The following ZNF326 variants were observed in gnomAD, a reference collection of about 807,000 sequenced individuals.
ZNF326 encodes the protein zinc finger protein 326, also known as DBIRD complex subunit ZNF326.
In ZNF326, 30 loss-of-function variants were observed where a neutral mutation model predicts 63.1. The ratio of observed to expected loss-of-function variants is 0.48; its 90% confidence interval spans 0.36 to 0.64. ZNF326 has a LOEUF of 0.64. Among genes scored for constraint, ZNF326 ranks in the 30% least tolerant of loss-of-function variants. The pLI is 0.00. For synonymous variants in ZNF326, 194 were observed against 228.2 expected, an observed-to-expected ratio of 0.85 and a Z score of 1.35; for missense variants, 609 against 720.3, an observed-to-expected ratio of 0.85 and a Z score of 1.77.
Position 90,018,789 on chromosome 1 carries a change from GTATT to G in ZNF326, c.1174+8_1174+11del, listed in dbSNP as rs750826106. On this transcript the variant is annotated splice_donor_region_variant and intron_variant, in intron 9 of 11. Transcript: ENST00000340281. The stretch of plus-strand genomic sequence containing the variant: ...TTGAAAAAGATGTTATGGAAGGTAA[GTATT>G]TAAAACAAATTATTTTAAAATTCTA... 4.7e-6 allele frequency: 7 copies of G among 1,476,132 alleles called. No homozygotes were observed. The highest frequency in any genetic ancestry group is 6.5e-6 in the Non-Finnish European group (7 of 1,081,744). The allele number at this position is 1,476,132 out of a possible 1,614,324, so 91.4% of individuals were successfully genotyped here.
rs1400330879 is a variant in ZNF326 at position 90,034,790 on chromosome 1, T to A, written c.*7089T>A. ...GTCTCTGAGGCTAGCATAATCCTTA[T>A]TCCAGAAAATTGTTCATCAAAGATA... On this transcript the variant is annotated 3_prime_UTR_variant, in exon 12 of 12. Transcript: ENST00000340281. 1 of 152,180 alleles carries A rather than the reference T, an allele frequency of 6.6e-6. No homozygotes were observed. The highest frequency in any genetic ancestry group is 1.5e-5 in the Non-Finnish European group (1 of 68,004). The allele number at this position is 152,180 out of a possible 1,614,324, so 9.4% of individuals were successfully genotyped here. A position where few individuals can be genotyped will look rare whatever the true frequency, so the allele number is the denominator to read the frequency against.
chr1:89,997,666 C>A (rs1009627443), intron 1 of ZNF326, among the ~76,000 whole-genome samples: 1 of 152,148 alleles, frequency 6.6e-6, no homozygotes, highest in Non-Finnish European at 1.5e-5. Flanking sequence ...CCACCGTGCC[C>A]GGCCAAGATC....
rs1156440677 is a variant in ZNF326 at position 90,034,829 on chromosome 1, C to A, written c.*7128C>A. ...TCATCAAAGATAGCTATAGACCAGT[C>A]TCACTTACGAACAAATGTAATTTGT... On this transcript the variant is annotated 3_prime_UTR_variant, in exon 12 of 12. Coordinates refer to ENST00000340281, the MANE Select transcript of ZNF326 (RefSeq NM_182976.4). The A allele has an allele frequency of 6.6e-6, 1 of 152,084 alleles. No individual in the cohort carries two copies. Among genetic ancestry groups the A allele is most frequent in the Non-Finnish European group, 1.5e-5 (1 of 68,000 alleles). The allele number at this position is 152,084 out of a possible 1,614,324, so 9.4% of individuals were successfully genotyped here.
intron 1 of ZNF326, 119 bp downstream of exon 1, chr1:89,995,392 C>T: frequency 2.3e-6 from 3 of 1,310,056 alleles, no homozygotes; most frequent in Non-Finnish European, 3.0e-6. Flanking sequence ...CCGGAGGCCG[C>T]CCGCCCGCCC....
intron 9 of ZNF326, among the ~76,000 whole-genome samples, chr1:90,019,195 C>CCAAA (rs1192688773): frequency 6.6e-6 from 1 of 151,806 alleles, no homozygotes; most frequent in Non-Finnish European, 1.5e-5. Flanking sequence ...CAAGAACTAA[C>CCAAA]CAAACAAAAA....
In ZNF326 at chr1:90,007,216, A is replaced by G. The variant is rs1649031291; in HGVS notation, c.210-129A>G. ...GCCCTAATCAAATGTGAACAAAAGT[A>G]GAACTGTGCAAACCAGTATGGTATA... On this transcript the variant is annotated intron_variant, in intron 4 of 11. Coordinates refer to ENST00000340281, the MANE Select transcript of ZNF326 (RefSeq NM_182976.4). The surrounding 1 kb of genome is among the most constrained non-coding windows in gnomAD (Gnocchi z 4.9). The G allele has an allele frequency of 9.9e-6, 9 of 909,942 alleles. No individual in the cohort carries two copies. In the South Asian group the frequency reaches 1.7e-4, roughly 17 times the overall value. The allele number at this position is 909,942 out of a possible 1,614,324, so 56.4% of individuals were successfully genotyped here. A position where few individuals can be genotyped will look rare whatever the true frequency, so the allele number is the denominator to read the frequency against.
chr1:89,995,257 C>G lies in ZNF326; in HGVS notation c.-1C>G. The G allele has an allele frequency of 6.4e-7, 1 of 1,556,208 alleles. No individual in the cohort carries two copies. Among genetic ancestry groups the G allele is most frequent in the Non-Finnish European group, 8.7e-7 (1 of 1,153,010 alleles). The stretch of plus-strand genomic sequence containing the variant: ...AAGGCCGACGGCCCTCAGCCTCTGC[C>G]ATGGACTTCGAGGACGGTAAGCGCT... On this transcript the variant is annotated 5_prime_UTR_variant, in exon 1 of 12. Transcript: ENST00000340281.
In ZNF326 at chr1:90,030,603, G is replaced by A. The variant is rs922653637; in HGVS notation, c.*2902G>A. On this transcript the variant is annotated 3_prime_UTR_variant, in exon 12 of 12. Coordinates refer to ENST00000340281, the MANE Select transcript of ZNF326 (RefSeq NM_182976.4). The stretch of plus-strand genomic sequence containing the variant: ...GTAGTTCTAAAATGTTTGTAGAAAC[G>A]AGGATTTGGGGGTACCAACCTAGAT... The A allele has an allele frequency of 4.6e-5, 7 of 152,126 alleles. No individual in the cohort carries two copies. Among genetic ancestry groups the A allele is most frequent in the Non-Finnish European group, 8.8e-5 (6 of 67,982 alleles). The allele number at this position is 152,126 out of a possible 1,614,324, so 9.4% of individuals were successfully genotyped here.
chr1:90,021,314 A>G (rs1649761657), intron 10 of ZNF326, among the ~76,000 whole-genome samples: 1 of 151,972 alleles, frequency 6.6e-6, no homozygotes, highest in Non-Finnish European at 1.5e-5. Flanking sequence ...TGAACTGTTA[A>G]CTTTTTAAAA....
chr1:90,024,733 G>C (rs570070352), intron 11 of ZNF326, among the ~76,000 whole-genome samples: 1 of 151,690 alleles, frequency 6.6e-6, no homozygotes, highest in South Asian at 2.1e-4. Flanking sequence ...CTCCCACCTC[G>C]GCCTCTCTAG....
chr1:90,027,784 G>A lies in ZNF326; in HGVS notation c.*83G>A. On this transcript the variant is annotated 3_prime_UTR_variant, in exon 12 of 12. Transcript: ENST00000340281. ...TAAGAAATTTAATAGCTTAAAATAT[G>A]AATTAACACCCATGTTGCATGCATT... 1.5e-6 allele frequency: 2 copies of A among 1,305,886 alleles called. No individual in the cohort carries two copies. Among genetic ancestry groups the A allele is most frequent in the Non-Finnish European group, 2.2e-6 (2 of 919,316 alleles). The allele number at this position is 1,305,886 out of a possible 1,614,324, so 80.9% of individuals were successfully genotyped here.
intron 4 of ZNF326, chr1:90,006,400 C>G (rs917583155): frequency 8.1e-6 from 8 of 984,776 alleles, no homozygotes; most frequent in Middle Eastern, 5.2e-4. Flanking sequence ...TGTTTTATCT[C>G]ATGTGTAATT....
rs773231963 is a variant in ZNF326, at chr1:90,029,768, G to A, written c.*2067G>A. 2 of 151,576 alleles carry A rather than the reference G, an allele frequency of 1.3e-5. No individual in the cohort carries two copies. The highest frequency in any genetic ancestry group is 2.4e-5 in the African/African-American group (1 of 41,228). 9.4% of individuals were successfully genotyped at this position (151,576 alleles called of 1,614,324 possible). A position where few individuals can be genotyped will look rare whatever the true frequency, so the allele number is the denominator to read the frequency against. ...TCTAAATAGTACTTTTTTGTGGGAC[G>A]CATGAGCCTTTATACAGCCTAGCTA... On this transcript the variant is annotated 3_prime_UTR_variant, in exon 12 of 12. Coordinates refer to ENST00000340281, the MANE Select transcript of ZNF326 (RefSeq NM_182976.4).
At chr1:90,021,687 C>G (rs1250632849) in intron 10 of ZNF326, among the ~76,000 whole-genome samples, 1 of 152,078 alleles carries the variant, frequency 6.6e-6, no homozygotes, top group Non-Finnish European at 1.5e-5. Flanking sequence ...ATAGAACATA[C>G]CCAAGTGTTA....
Position 90,017,329 on chromosome 1 carries a change from A to G in ZNF326, c.939A>G (p.Thr313=), listed in dbSNP as rs924818353. 2.9e-5 allele frequency: 46 copies of G among 1,596,786 alleles called. No homozygotes were observed. Among genetic ancestry groups the G allele is most frequent in the Non-Finnish European group, 3.7e-5 (43 of 1,174,630 alleles). Residue 313 remains threonine, a synonymous_variant, in exon 8 of 12, where the codon ACA becomes ACG. Transcript: ENST00000340281. ...KYGDGYRMAF[T]CSFCKFRTFE... ...TTTTCTCTTACAGAATGGCATTTAC[A>G]TGTTCATTTTGTAAATTTCGAACAT...
Position 90,028,053 on chromosome 1 carries a change from T to C in ZNF326, c.*352T>C. ...CTGCTCTTGGGAGTGAATATTCAAG[T>C]GTGCATCAATTTTTTGAATACTTAC... is the stretch of plus-strand genomic sequence containing the variant. On this transcript the variant is annotated 3_prime_UTR_variant, in exon 12 of 12. Transcript: ENST00000340281. 4.7e-6 allele frequency: 1 copy of C among 211,720 alleles called. No homozygotes were observed. The highest frequency in any genetic ancestry group is 5.3e-5 in the Admixed American group (1 of 18,954). The allele number at this position is 211,720 out of a possible 1,614,324, so 13.1% of individuals were successfully genotyped here.
At chr1:90,012,195 A>T (rs1649284599) in intron 6 of ZNF326, among the ~76,000 whole-genome samples, 1 of 152,218 alleles carries the variant, frequency 6.6e-6, no homozygotes, top group African/African-American at 2.4e-5. Context: ...AAAAGGTAGA[A>T]ACAATTGAAA....
At chr1:90,014,015 A>C (rs1171420197) in intron 7 of ZNF326, among the ~76,000 whole-genome samples, 1 of 151,900 alleles carries the variant, frequency 6.6e-6, no homozygotes, top group Non-Finnish European at 1.5e-5. Flanking sequence ...CAGTGAGATG[A>C]GATTGAGCCA....
At position 90,027,617 on chromosome 1, in the gene ZNF326, A is replaced by C; in HGVS notation, c.1665A>C (p.Glu555Asp). The C allele has an allele frequency of 6.2e-7, 1 of 1,613,436 alleles. No homozygotes were observed. Among genetic ancestry groups the C allele is most frequent in the African/African-American group, 1.3e-5 (1 of 75,000 alleles). Residue 555 changes from glutamate to aspartate, a missense_variant, in exon 12 of 12, where the codon GAA (glutamate) becomes GAC (aspartate). Physicochemically the swap from Glu to Asp is conservative, Grantham distance 45. Coordinates refer to ENST00000340281, the MANE Select transcript of ZNF326 (RefSeq NM_182976.4). ...TGGGAGAAGTAGAGGGAGTGGGGGAAGTAGAGGAAGTAGAGGAATTAGAGG... is the reference window on the plus strand; with the variant it reads ...TGGGAGAAGTAGAGGGAGTGGGGGACGTAGAGGAAGTAGAGGAATTAGAGG... Reference protein sequence around the residue: ...GVVGEVEGVGEVEEVEELEEE... With the variant: ...GVVGEVEGVGDVEEVEELEEE...
Sources: allele counts gnomAD v4.1 joint callset (sites outside exome capture counted in the v4.1 genomes callset), GRCh38; gene constraint gnomAD v4.1.1; non-coding constraint Gnocchi (gnomAD v3.1); transcripts MANE v1.5; gene names NCBI Gene and HGNC (gene_info 2026-07-23, HGNC 2026-07-21).